The following BEND2 variants were observed in gnomAD, a reference collection of about 807,000 sequenced individuals.
BEND2 encodes the protein BEN domain containing 2.
Under a neutral mutation model 43.8 loss-of-function variants are expected in BEND2, and 19 were observed. The observed-to-expected ratio is 0.43, with a 90% CI of 0.30 to 0.64. The LOEUF is 0.64. Among genes scored for constraint, BEND2 ranks in the 30% least tolerant of loss-of-function variants. The pLI, the probability that BEND2 is intolerant of heterozygous loss-of-function variation, is 0.11. For synonymous variants in BEND2, 226 were observed against 210.1 expected (o/e 1.08, Z -0.66); for missense variants, 544 against 574.0 (o/e 0.95, Z 0.53).
In BEND2 at chrX:18,203,897, G is replaced by A; in HGVS notation, c.511C>T (p.Pro171Ser). The A allele has an allele frequency of 8.3e-7, 1 of 1,204,167 alleles. No individual in the cohort carries two copies. Among genetic ancestry groups the A allele is most frequent in the Non-Finnish European group, 1.1e-6 (1 of 889,818 alleles). ...TGGGTTTCCTGCCTTTCCGCTGGTG[G>A]TGATATGCTAGACTGTACCTATCCA... Reference protein sequence around the residue: ...YTPEVQSSISPPAERQETHAW... With the variant: ...YTPEVQSSISSPAERQETHAW... Residue 171 changes from proline to serine, a missense_variant, in exon 5 of 14, where the codon CCA (proline) becomes TCA (serine). Transcript: ENST00000380033.
At chrX:18,184,611 G>T (rs1394287831) in intron 8 of BEND2, among the ~76,000 whole-genome samples, 2 of 112,332 alleles carry the variant, frequency 1.8e-5, no homozygotes, top group Non-Finnish European at 3.8e-5. Flanking sequence ...GTCCCCTGAT[G>T]CAGACATGGC....
chrX:18,185,344 C>A (rs963857330), intron 8 of BEND2, among the ~76,000 whole-genome samples: 1 of 108,041 alleles, frequency 9.3e-6, no homozygotes, highest in South Asian at 4.2e-4. Context: ...GCCTGAGCAA[C>A]GTGACGAACC....
At position 18,174,148 on chromosome X, in the gene BEND2, C is replaced by T. The variant is rs1476492073; in HGVS notation, c.1863G>A (p.Gln621=). ...DGGEGCSWMF[Q]PMNNSKMREK... ...CTCTCATTTTGGAGTTATTCATTGG[C>T]TGAAACATCCAAGAACAGCCTTCAC... Residue 621 remains glutamine, a synonymous_variant, in exon 12 of 14, where the codon CAG becomes CAA. Coordinates refer to ENST00000380033, the MANE Select transcript of BEND2 (RefSeq NM_153346.5). 1 of 1,211,310 alleles carries T rather than the reference C, an allele frequency of 8.3e-7. No individual in the cohort carries two copies. The highest frequency in any genetic ancestry group is 1.1e-6 in the Non-Finnish European group (1 of 895,020).
At chrX:18,200,502 C>CAAAAAAAAAAAAAA (rs397895069) in intron 6 of BEND2, among the ~76,000 whole-genome samples, 1 of 38,664 alleles carries the variant, frequency 2.6e-5, no homozygotes, top group Non-Finnish European at 4.8e-5. Flanking sequence ...GACTCTGTCT[C>CAAAAAAAAAAAAAA]AAAAAAAAAA....
At chrX:18,183,869 G>A (rs1924481235) in intron 8 of BEND2, among the ~76,000 whole-genome samples, 1 of 111,659 alleles carries the variant, frequency 9.0e-6, no homozygotes, top group Admixed American at 9.5e-5. Flanking sequence ...AGATTCCTGA[G>A]GTCTCCAGCT....
intron 13 of BEND2, among the ~76,000 whole-genome samples, chrX:18,169,712 A>G (rs1923917169): frequency 1.8e-5 from 2 of 112,071 alleles, no homozygotes; most frequent in South Asian, 7.4e-4. Context: ...AATAACTCAA[A>G]TGATTGCCCT....
intron 9 of BEND2, among the ~76,000 whole-genome samples, chrX:18,178,591 C>A (rs888734848): frequency 1.8e-5 from 2 of 110,781 alleles, no homozygotes; most frequent in South Asian, 7.5e-4. Context: ...ATATTTTGAG[C>A]ATTTCTCTGT....
At chrX:18,207,082 G>A (rs1424780714) in intron 4 of BEND2, among the ~76,000 whole-genome samples, 1 of 110,646 alleles carries the variant, frequency 9.0e-6, no homozygotes. Context: ...TAGCAGTGCA[G>A]GGGGAGGTAG....
rs1231991758 is a variant in BEND2 at position 18,164,375 on chromosome X, G to C, written c.*634C>G. On this transcript the variant is annotated 3_prime_UTR_variant, in exon 14 of 14. Coordinates refer to ENST00000380033, the MANE Select transcript of BEND2 (RefSeq NM_153346.5). The stretch of plus-strand genomic sequence containing the variant: ...TAGGCATAGCCTAACTTATAAAGAT[G>C]TATGTAGAAGTACTATGGTTTTATT... The C allele has an allele frequency of 9.0e-6, 1 of 111,604 alleles. No individual in the cohort carries two copies. Among genetic ancestry groups the C allele is most frequent in the Non-Finnish European group, 1.9e-5 (1 of 53,189 alleles). The allele number at this position is 111,604 out of a possible 1,213,427, so 9.2% of individuals were successfully genotyped here. A position where few individuals can be genotyped will look rare whatever the true frequency, so the allele number is the denominator to read the frequency against.
chrX:18,212,702 A>C (rs1200826811), intron 3 of BEND2, 22 bp from the exon 4 acceptor site: 1 of 1,035,725 alleles, frequency 9.7e-7, no homozygotes, highest in East Asian at 3.0e-5. Flanking sequence ...TGCATTAAAA[A>C]GTTATTTCAT....
chrX:18,207,728 T>C (rs757646080), intron 4 of BEND2, among the ~76,000 whole-genome samples: 86 of 112,845 alleles, frequency 7.6e-4, no homozygotes, highest in African/African-American at 2.6e-3. Context: ...CTATTAACAG[T>C]ACAATGGTGG....
At chrX:18,181,174 C>T (rs1924372449) in intron 8 of BEND2, among the ~76,000 whole-genome samples, 1 of 111,544 alleles carries the variant, frequency 9.0e-6, no homozygotes, top group South Asian at 3.7e-4. Flanking sequence ...AACAGCCACA[C>T]TGGAAAACAA....
rs760342078 is a variant in BEND2, at chrX:18,220,782, G to A, written c.-32C>T. The A allele has an allele frequency of 9.2e-6, 11 of 1,193,871 alleles. No homozygotes were observed. The Admixed American group carries it at 1.8e-4, about 19-fold the overall frequency. On this transcript the variant is annotated 5_prime_UTR_variant, in exon 1 of 14. Coordinates refer to ENST00000380033, the MANE Select transcript of BEND2 (RefSeq NM_153346.5). Reference sequence around the variant, plus strand: ...ATGGCGGGGTCTGGCTCTGAGGCCCGAGACCTGAGGCCCGAGACCTGAGGC... The same window carrying A: ...ATGGCGGGGTCTGGCTCTGAGGCCCAAGACCTGAGGCCCGAGACCTGAGGC...
At chrX:18,174,852 C>G (rs955873927) in intron 11 of BEND2, among the ~76,000 whole-genome samples, 9 of 100,042 alleles carry the variant, frequency 9.0e-5, no homozygotes, top group Non-Finnish European at 1.6e-4. Flanking sequence ...AGTGTGCACA[C>G]AAATCACATT....
At chrX:18,183,323 AAG>A (rs1924459436) in intron 8 of BEND2, among the ~76,000 whole-genome samples, 1 of 111,584 alleles carries the variant, frequency 9.0e-6, no homozygotes, top group Non-Finnish European at 1.9e-5. Flanking sequence ...AATAACAGAC[AAG>A]AGAAAAATCT....
chrX:18,191,583 G>A (rs964741014), intron 7 of BEND2, among the ~76,000 whole-genome samples: 1 of 112,139 alleles, frequency 8.9e-6, no homozygotes, highest in African/African-American at 3.2e-5. Context: ...AGTGTTCATA[G>A]CAGCTTTACT....
chrX:18,165,162 C>T lies in BEND2; in HGVS notation c.2247G>A (p.Ser749=), dbSNP rs150252640. Residue 749 remains serine (S), a synonymous_variant, in exon 14 of 14, where the codon TCG becomes TCA. Transcript: ENST00000380033. The part of the protein sequence containing the change: ...DLSENGRDWK[S]CVTSINSGIR... Reference sequence around the variant, plus strand: ...TACCGCTGTTGATGGAGGTCACACACGACTTCCAGTCTCTTCCATTTTCCG... The same window carrying T: ...TACCGCTGTTGATGGAGGTCACACATGACTTCCAGTCTCTTCCATTTTCCG... The T allele has an allele frequency of 1.3e-3, 1,581 of 1,207,829 alleles. 2 individuals are homozygous for T. The highest frequency in any genetic ancestry group is 1.6e-3 in the Non-Finnish European group (1,424 of 894,674).
intron 8 of BEND2, among the ~76,000 whole-genome samples, chrX:18,183,735 T>C (rs951030042): frequency 2.7e-5 from 3 of 111,901 alleles, no homozygotes; most frequent in African/African-American, 6.5e-5. Context: ...GAGGTACCCA[T>C]TGTGGGCCTG....
chrX:18,184,518 G>A (rs1001761957), intron 8 of BEND2, among the ~76,000 whole-genome samples: 1 of 111,634 alleles, frequency 9.0e-6, no homozygotes, highest in African/African-American at 3.3e-5. Context: ...GTAATCCAGA[G>A]AATTCTTCTG....
Sources: allele counts gnomAD v4.1 joint callset (sites outside exome capture counted in the v4.1 genomes callset), GRCh38; gene constraint gnomAD v4.1.1; transcripts MANE v1.5; gene names NCBI Gene and HGNC (gene_info 2026-07-23, HGNC 2026-07-21).